Variants in RHOA observed in about 807,000 individuals in gnomAD.
RHOA encodes the protein transforming protein RhoA.
RHOA carries 3 observed loss-of-function variants against 17.5 expected under a neutral mutation model. The ratio of observed to expected loss-of-function variants is 0.17; its 90% CI spans 0.08 to 0.44. RHOA has a LOEUF of 0.44. Among genes scored for constraint, RHOA ranks in the 20% least tolerant of loss-of-function variants. RHOA has a pLI of 0.99. For missense variants in RHOA, 56 were observed against 242.3 expected (o/e 0.23, Z 5.10); for synonymous variants, 98 against 88.4 (o/e 1.11, Z -0.61).
At chr3:49,362,186 C>A (rs922836059) in intron 4 of RHOA, among the ~76,000 whole-genome samples, 1 of 151,712 alleles carries the variant, frequency 6.6e-6, no homozygotes. Context: ...GACTCCATAT[C>A]AAAAAAAAGA....
chr3:49,408,940 C>A (rs2048885655), intron 1 of RHOA, among the ~76,000 whole-genome samples: 1 of 151,880 alleles, frequency 6.6e-6, no homozygotes, highest in African/African-American at 2.4e-5. Context: ...CTACAGGCGC[C>A]CGCCACCACA....
intron 1 of RHOA, among the ~76,000 whole-genome samples, chr3:49,405,985 T>A (rs115534265): frequency 6.6e-6 from 1 of 152,200 alleles, no homozygotes; most frequent in Non-Finnish European, 1.5e-5. Context: ...ATACGCAGCC[T>A]GCCTTCTGTT....
chr3:49,392,580 A>G (rs766086871), intron 1 of RHOA, among the ~76,000 whole-genome samples: 1 of 152,180 alleles, frequency 6.6e-6, no homozygotes, highest in African/African-American at 2.4e-5. Context: ...TCCTGAGCTC[A>G]AGTCATCTGC....
intron 4 of RHOA, among the ~76,000 whole-genome samples, chr3:49,361,549 CTCACA>C (rs1334957205): frequency 6.6e-6 from 1 of 152,154 alleles, no homozygotes; most frequent in East Asian, 1.9e-4. Context: ...TATCTTTGGC[CTCACA>C]TGTACCAAAG....
At chr3:49,382,730 C>T (rs1212369286) in intron 1 of RHOA, among the ~76,000 whole-genome samples, 1 of 152,156 alleles carries the variant, frequency 6.6e-6, no homozygotes, top group Non-Finnish European at 1.5e-5. Flanking sequence ...CTATGGGATG[C>T]AAAGAAACGT....
At chr3:49,406,096 C>A (rs1019146628) in intron 1 of RHOA, among the ~76,000 whole-genome samples, 11 of 152,094 alleles carry the variant, frequency 7.2e-5, no homozygotes, top group East Asian at 1.9e-4. Flanking sequence ...TCCACACACA[C>A]AAAAAAACAG....
intron 1 of RHOA, among the ~76,000 whole-genome samples, chr3:49,381,885 A>T (rs144094835): frequency 0.015 from 2,249 of 150,916 alleles, 44 homozygotes; most frequent in African/African-American, 0.051. Context: ...AAAGACAGAG[A>T]GTGAAGTTCC....
chr3:49,407,498 T>C (rs1308852365), intron 1 of RHOA, among the ~76,000 whole-genome samples: 1 of 152,180 alleles, frequency 6.6e-6, no homozygotes, highest in African/African-American at 2.4e-5. Context: ...ACTTCCAAAG[T>C]GCTGGGATTA....
chr3:49,366,032 G>A (rs1484034858), intron 3 of RHOA, among the ~76,000 whole-genome samples: 1 of 152,116 alleles, frequency 6.6e-6, no homozygotes, highest in African/African-American at 2.4e-5. Flanking sequence ...TCAAGACTGG[G>A]CAAGAAAGCG....
intron 1 of RHOA, among the ~76,000 whole-genome samples, chr3:49,387,099 AAGAG>A (rs2048408508): frequency 9.2e-6 from 1 of 109,146 alleles, no homozygotes; most frequent in Non-Finnish European, 1.7e-5. Flanking sequence ...CCTGGGCAAC[AAGAG>A]AGAAACTCCG....
At chr3:49,363,709 G>A (rs181453822) in intron 3 of RHOA, among the ~76,000 whole-genome samples, 157 of 151,956 alleles carry the variant, frequency 1.0e-3, no homozygotes, top group Non-Finnish European at 1.5e-3. Flanking sequence ...AAAATTAGCC[G>A]GGCGCAGTGG....
Position 49,360,592 on chromosome 3 carries a change from C to T in RHOA, c.409-210G>A, listed in dbSNP as rs555000496. On this transcript the variant is annotated intron_variant, in intron 4 of 4. Transcript: ENST00000418115. The stretch of plus-strand genomic sequence containing the variant: ...AAGGGATTCTCCCGCCTCAGCCTCC[C>T]GAGTAGCTGGGACTACAGGTGCCCA... 2.8e-4 allele frequency among the ~76,000 whole-genome samples: 42 copies of T among 152,024 alleles called. 1 individual carries two copies. The South Asian group carries it at 7.3e-3, about 26-fold the overall frequency.
At chr3:49,378,091 G>A (rs2048261187) in intron 1 of RHOA, among the ~76,000 whole-genome samples, 1 of 148,012 alleles carries the variant, frequency 6.8e-6, no homozygotes, top group Middle Eastern at 3.2e-3. Context: ...AGAAGTTGCA[G>A]TGAGCCCAGA....
At chr3:49,411,483 G>A (rs2048934313) in intron 1 of RHOA, among the ~76,000 whole-genome samples, 2 of 152,336 alleles carry the variant, frequency 1.3e-5, no homozygotes, top group African/African-American at 4.8e-5. Flanking sequence ...GCGGGGCCCG[G>A]CCCAAAGCCC....
intron 1 of RHOA, among the ~76,000 whole-genome samples, chr3:49,406,480 A>T (rs1348651081): frequency 6.6e-6 from 1 of 152,250 alleles, no homozygotes; most frequent in East Asian, 1.9e-4. Context: ...TATAAGCTTC[A>T]GAAATTAAAA....
intron 1 of RHOA, among the ~76,000 whole-genome samples, chr3:49,378,170 T>TTA (rs778143146): frequency 1.0e-4 from 9 of 90,450 alleles, no homozygotes; most frequent in African/African-American, 1.3e-4. Flanking sequence ...AACTGTGTCT[T>TTA]AAAAAAAAAA....
chr3:49,381,721 C>T (rs552648540), intron 1 of RHOA, among the ~76,000 whole-genome samples: 3 of 151,376 alleles, frequency 2.0e-5, no homozygotes, highest in East Asian at 3.9e-4. Flanking sequence ...AAAAATTAGC[C>T]GGGCATGGTG....
intron 1 of RHOA, among the ~76,000 whole-genome samples, chr3:49,378,030 T>G (rs1188816253): frequency 6.6e-6 from 1 of 151,226 alleles, no homozygotes; most frequent in Non-Finnish European, 1.5e-5. Context: ...GCACCTGTAA[T>G]CCCAGTTACT....
chr3:49,370,184 T>A (rs531773688), intron 2 of RHOA, among the ~76,000 whole-genome samples: 2 of 152,024 alleles, frequency 1.3e-5, no homozygotes, highest in South Asian at 4.2e-4. Context: ...GAGGCGGAGG[T>A]TGCAGTAAGC....
Sources: allele counts gnomAD v4.1 joint callset (sites outside exome capture counted in the v4.1 genomes callset), GRCh38; gene constraint gnomAD v4.1.1; transcripts MANE v1.5; gene names NCBI Gene and HGNC (gene_info 2026-07-23, HGNC 2026-07-21).